The following RAD51B variants were observed in gnomAD, a reference collection of about 807,000 sequenced individuals.
RAD51B encodes the protein DNA repair protein RAD51 homolog 2.
Under a neutral mutation model 42.2 loss-of-function variants are expected in RAD51B, and 38 were observed. The ratio of observed to expected loss-of-function variants is 0.90; its 90% CI spans 0.70 to 1.18. The LOEUF is 1.18. Among genes scored for constraint, RAD51B ranks in the 50% most tolerant of loss-of-function variants. The pLI is 0.00. For synonymous variants in RAD51B, 154 were observed against 145.2 expected, an observed-to-expected ratio of 1.06 and a Z score of -0.43; for missense variants, 373 against 400.7, an observed-to-expected ratio of 0.93 and a Z score of 0.59.
intron 7 of RAD51B, among the ~76,000 whole-genome samples, chr14:68,074,425 A>G (rs896497030): frequency 6.6e-6 from 1 of 152,058 alleles, no homozygotes; most frequent in Non-Finnish European, 1.5e-5. Context: ...ATTCTCTTGA[A>G]TCATTTGATT....
chr14:67,903,676 ACTT>A (rs2043685732), intron 7 of RAD51B, among the ~76,000 whole-genome samples: 1 of 152,060 alleles, frequency 6.6e-6, no homozygotes, highest in Non-Finnish European at 1.5e-5. Context: ...TGATTTCCCA[ACTT>A]CTTCTACAAC....
chr14:67,870,289 ATC>A (rs1020443300), intron 5 of RAD51B, among the ~76,000 whole-genome samples: 12 of 152,334 alleles, frequency 7.9e-5, no homozygotes, highest in African/African-American at 2.9e-4. Flanking sequence ...TGCAATCCGA[ATC>A]TCTGATAAAA....
chr14:67,937,607 T>C (rs1178732693), intron 7 of RAD51B, among the ~76,000 whole-genome samples: 1 of 152,166 alleles, frequency 6.6e-6, no homozygotes, highest in Non-Finnish European at 1.5e-5. Context: ...GAAAATGAAG[T>C]GTGTCTTTGA....
Position 68,673,752 on chromosome 14 carries a change from CAT to C in RAD51B, c.*11+22904_*11+22905del, listed in dbSNP as rs201548240. ...CACACGCATACACATACTGTACACA[CAT>C]ATATATACATCCACACACGTACACA... On this transcript the variant is annotated intron_variant, in intron 11 of 11. Coordinates refer to the RAD51B transcript ENST00000488612. Among the ~76,000 whole-genome samples the C allele has an allele frequency of 4.9e-3, 737 of 151,658 alleles. 2 individuals are homozygous for C. Among genetic ancestry groups the C allele is most frequent in the African/African-American group, 0.016 (669 of 41,256 alleles).
chr14:67,828,038 G>A (rs2040892490), intron 3 of RAD51B, among the ~76,000 whole-genome samples: 1 of 152,076 alleles, frequency 6.6e-6, no homozygotes, highest in East Asian at 1.9e-4. Context: ...TGGTATTTCT[G>A]CCTCTAGGTC....
intron 7 of RAD51B, among the ~76,000 whole-genome samples, chr14:68,043,475 A>G (rs1465429891): frequency 6.6e-6 from 1 of 152,230 alleles, no homozygotes; most frequent in Non-Finnish European, 1.5e-5. Flanking sequence ...TAGGAGATTT[A>G]CAATTTTTAA....
rs187866757 is a variant in RAD51B, at chr14:68,403,907, G to T, written c.854-7517G>T. 1.1e-3 allele frequency among the ~76,000 whole-genome samples: 163 copies of T among 152,252 alleles called. 1 individual carries two copies. Among genetic ancestry groups the T allele is most frequent in the African/African-American group, 3.5e-3 (147 of 41,528 alleles). On this transcript the variant is annotated intron_variant, in intron 8 of 10. Coordinates refer to ENST00000471583, the MANE Select transcript of RAD51B (RefSeq NM_133510.4). Reference sequence around the variant, plus strand: ...ACATATCAAGTATCTTCATCTAAGGGTCATCAAGAACCTCTGGTTGCCTGG... The same window carrying T: ...ACATATCAAGTATCTTCATCTAAGGTTCATCAAGAACCTCTGGTTGCCTGG...
At position 68,626,408 on chromosome 14, in the gene RAD51B, T is replaced by G. The variant is rs575805603; in HGVS notation, c.1037-24373T>G. Among the ~76,000 whole-genome samples the G allele has an allele frequency of 7.2e-5, 11 of 152,356 alleles. No homozygotes were observed. The East Asian group carries it at 1.5e-3, about 21-fold the overall frequency. Reference sequence around the variant, plus strand: ...ACACAACAGACACTCTAAAACTTAGTGTCTCAAAACAATGCATTTTTATCT... The same window carrying G: ...ACACAACAGACACTCTAAAACTTAGGGTCTCAAAACAATGCATTTTTATCT... On this transcript the variant is annotated intron_variant, in intron 10 of 11. Coordinates refer to the RAD51B transcript ENST00000488612.
At chr14:68,577,089 G>A (rs968843409) in intron 10 of RAD51B, among the ~76,000 whole-genome samples, 2 of 152,172 alleles carry the variant, frequency 1.3e-5, no homozygotes, top group Admixed American at 1.3e-4. Flanking sequence ...AGCTGACAGG[G>A]AGTTATGGGG....
chr14:68,187,141 G>A (rs1258221508), intron 7 of RAD51B, among the ~76,000 whole-genome samples: 1 of 152,126 alleles, frequency 6.6e-6, no homozygotes, highest in Admixed American at 6.5e-5. Flanking sequence ...ACTTATAAGT[G>A]GAAGCTAAAC....
chr14:68,257,426 A>G (rs892154212), intron 7 of RAD51B, among the ~76,000 whole-genome samples: 7 of 152,150 alleles, frequency 4.6e-5, no homozygotes, highest in Non-Finnish European at 1.0e-4. Flanking sequence ...TAATTGCACC[A>G]TTATTTGTAA....
chr14:68,666,551 C>T (rs4902628), intron 11 of RAD51B, among the ~76,000 whole-genome samples: 82,073 of 151,890 alleles, frequency 0.54, 22,438 homozygotes, highest in East Asian at 0.73. Flanking sequence ...GAGGGTGAAC[C>T]CCAGGCAGGA....
intron 7 of RAD51B, among the ~76,000 whole-genome samples, chr14:68,249,714 C>G (rs2080578885): frequency 6.6e-6 from 1 of 152,188 alleles, no homozygotes; most frequent in Non-Finnish European, 1.5e-5. Flanking sequence ...CCTAATTTTG[C>G]ACACACAGCC....
rs2140107866 is a variant in RAD51B, at chr14:68,611,245, T to TA, written c.1278dup. The TA allele has an allele frequency of 2.8e-6, 2 of 702,850 alleles. No homozygotes were observed. Among genetic ancestry groups the TA allele is most frequent in the Admixed American group, 4.0e-5 (2 of 50,016 alleles). 43.5% of individuals were successfully genotyped at this position (702,850 alleles called of 1,614,324 possible). A position where few individuals can be genotyped will look rare whatever the true frequency, so the allele number is the denominator to read the frequency against. ...AGAGACTTTGGATGAGCATCCAGTG[T>TA]AACCCAGCCTAGTTTTTCACCACGA... The change falls in exon 11 of 11, where the codon TAA becomes TAAA. Residue 426 remains the stop codon, a frameshift_variant and stop_retained_variant. Coordinates refer to the RAD51B transcript ENST00000487861. LOFTEE classifies it high-confidence loss of function.
At chr14:68,532,862 T>A (rs887687055) in intron 10 of RAD51B, among the ~76,000 whole-genome samples, 36 of 152,096 alleles carry the variant, frequency 2.4e-4, no homozygotes, top group Non-Finnish European at 5.0e-4. Context: ...CAGAAAAAAA[T>A]TATTTTCTAG....
chr14:67,909,843 A>T (rs1156437211), intron 7 of RAD51B, among the ~76,000 whole-genome samples: 1 of 152,082 alleles, frequency 6.6e-6, no homozygotes. Flanking sequence ...TTTTTTAAAG[A>T]TGCGGTCTCA....
chr14:68,461,402 C>T (rs1443170918), intron 9 of RAD51B, among the ~76,000 whole-genome samples: 1 of 150,718 alleles, frequency 6.6e-6, no homozygotes, highest in Non-Finnish European at 1.5e-5. Context: ...TGTATTATCC[C>T]AGAAAAGTAG....
intron 11 of RAD51B, among the ~76,000 whole-genome samples, chr14:68,671,423 G>GGCCAGACATACAAACCCACCCCCTA: frequency 6.6e-6 from 1 of 151,912 alleles, no homozygotes; most frequent in African/African-American, 2.4e-5. Context: ...GATTCACCTT[G>GGCCAGACATACAAACCCACCCCCTA]GCCAGACATA....
chr14:68,128,845 A>G lies in RAD51B; in HGVS notation c.757-163039A>G, dbSNP rs117879715. Among the ~76,000 whole-genome samples the G allele has an allele frequency of 4.8e-3, 726 of 152,330 alleles. 3 individuals carry two copies. Among genetic ancestry groups the G allele is most frequent in the Non-Finnish European group, 8.3e-3 (562 of 68,032 alleles). ...CTAGTTTTGGTAGCTCTCTATTTTA[A>G]AAGAGTTAACATGTAGTTTTTCATT... On this transcript the variant is annotated intron_variant, in intron 7 of 10. Coordinates refer to ENST00000471583, the MANE Select transcript of RAD51B (RefSeq NM_133510.4).
Sources: allele counts gnomAD v4.1 joint callset (sites outside exome capture counted in the v4.1 genomes callset), GRCh38; gene constraint gnomAD v4.1.1; transcripts MANE v1.5; gene names NCBI Gene and HGNC (gene_info 2026-07-23, HGNC 2026-07-21).